Variants in GLRA1 observed in about 807,000 individuals in gnomAD.
GLRA1 encodes the protein glycine receptor subunit alpha-1.
GLRA1 carries 37 observed loss-of-function variants against 48.3 expected under a neutral mutation model. The observed-to-expected ratio is 0.77, with a 90% CI of 0.59 to 1.01. The LOEUF is 1.01. Among genes scored for constraint, GLRA1 ranks in the 50% least tolerant of loss-of-function variants. GLRA1 has a pLI of 0.00. For missense variants in GLRA1, 427 were observed against 571.0 expected (o/e 0.75, Z 2.57); for synonymous variants, 196 against 210.7 (o/e 0.93, Z 0.60).
chr5:151,850,278 T>A, intron 7 of GLRA1: 4 of 1,604,682 alleles, frequency 2.5e-6, no homozygotes, highest in Non-Finnish European at 3.4e-6. Flanking sequence ...GCCTGCCCAG[T>A]GGGAATTTCA....
At chr5:151,832,450 T>A (rs764105809) in intron 7 of GLRA1, among the ~76,000 whole-genome samples, 16 of 151,788 alleles carry the variant, frequency 1.1e-4, no homozygotes, top group African/African-American at 3.2e-4. Context: ...TAGAGAAGAA[T>A]ATAAATGACC....
chr5:151,856,040 G>A (rs985589015), intron 5 of GLRA1, among the ~76,000 whole-genome samples: 4 of 152,158 alleles, frequency 2.6e-5, no homozygotes, highest in Middle Eastern at 3.2e-3. Context: ...TTTCTCCTCC[G>A]TTCACATTTA....
chr5:151,829,160 C>T (rs1221649619), intron 7 of GLRA1, 93 bp from the exon 8 acceptor site: 1 of 1,162,188 alleles, frequency 8.6e-7, no homozygotes, highest in Non-Finnish European at 1.3e-6. Flanking sequence ...TCGGTAATTC[C>T]CCACATCACC....
intron 7 of GLRA1, among the ~76,000 whole-genome samples, chr5:151,833,574 C>CT (rs1763481190): frequency 6.6e-6 from 1 of 152,130 alleles, no homozygotes. Flanking sequence ...AGCGATTCTC[C>CT]TGCCTCAGCC....
intron 3 of GLRA1, among the ~76,000 whole-genome samples, chr5:151,883,562 G>A (rs966468267): frequency 6.6e-6 from 1 of 152,214 alleles, no homozygotes; most frequent in Non-Finnish European, 1.5e-5. Flanking sequence ...TTTACAGAGT[G>A]GTTGTAAGAC....
At chr5:151,914,719 C>A (rs1754696336) in intron 1 of GLRA1, among the ~76,000 whole-genome samples, 1 of 152,180 alleles carries the variant, frequency 6.6e-6, no homozygotes, top group Non-Finnish European at 1.5e-5. Flanking sequence ...ACCATCTCTA[C>A]CCCTTGTCAG....
intron 2 of GLRA1, among the ~76,000 whole-genome samples, chr5:151,888,255 A>G (rs1320072098): frequency 6.6e-6 from 1 of 152,246 alleles, no homozygotes. Context: ...AAACTAAGCT[A>G]GGATCAGAAG....
intron 3 of GLRA1, among the ~76,000 whole-genome samples, chr5:151,881,940 T>C (rs1753774470): frequency 6.6e-6 from 1 of 152,186 alleles, no homozygotes; most frequent in African/African-American, 2.4e-5. Context: ...ACCCGGACTA[T>C]GTCCATATTA....
chr5:151,887,868 C>T (rs1383244956), intron 2 of GLRA1, among the ~76,000 whole-genome samples: 1 of 152,180 alleles, frequency 6.6e-6, no homozygotes, highest in African/African-American at 2.4e-5. Context: ...GAGAGAAGTT[C>T]TGGAGAATAA....
At chr5:151,840,730 G>GAA (rs1259146256) in intron 7 of GLRA1, among the ~76,000 whole-genome samples, 199 of 97,662 alleles carry the variant, frequency 2.0e-3, no homozygotes, top group African/African-American at 6.6e-3. Flanking sequence ...ACCAACATCA[G>GAA]AAAAAAAAAA....
At chr5:151,855,406 A>G (rs1279020329) in intron 5 of GLRA1, among the ~76,000 whole-genome samples, 3 of 152,120 alleles carry the variant, frequency 2.0e-5, no homozygotes, top group South Asian at 2.1e-4. Flanking sequence ...AGTTTGTCCT[A>G]TTGTTCCCCC....
chr5:151,845,019 T>A lies in GLRA1; in HGVS notation c.912+6371A>T, dbSNP rs539632644. Among the ~76,000 whole-genome samples, 365 of 152,318 alleles carry A rather than the reference T, an allele frequency of 2.4e-3. 4 individuals carry two copies. The highest frequency in any genetic ancestry group is 3.2e-3 in the Non-Finnish European group (218 of 68,032). ...CAGGTTCTTTTTAAAAATCATTTTT[T>A]AAAATTTTATTTATTTTTAAATTTT... is the stretch of plus-strand genomic sequence containing the variant. On this transcript the variant is annotated intron_variant, in intron 7 of 8. Transcript: ENST00000274576.
intron 7 of GLRA1, among the ~76,000 whole-genome samples, chr5:151,841,673 G>A (rs1247953716): frequency 2.6e-5 from 4 of 152,082 alleles, no homozygotes; most frequent in African/African-American, 9.7e-5. Flanking sequence ...GAAATAAAAA[G>A]GATTATAAGG....
chr5:151,849,950 G>T, intron 7 of GLRA1: 2 of 1,577,824 alleles, frequency 1.3e-6, no homozygotes, highest in Non-Finnish European at 1.7e-6. Flanking sequence ...CTTCAGTAAG[G>T]ACCCTACAAG....
intron 1 of GLRA1, among the ~76,000 whole-genome samples, chr5:151,911,338 T>G (rs529483587): frequency 2.0e-5 from 3 of 152,350 alleles, no homozygotes; most frequent in South Asian, 2.1e-4. Flanking sequence ...CACAACACTT[T>G]GCACCTATCC....
chr5:151,866,374 C>G (rs148413540), intron 3 of GLRA1, among the ~76,000 whole-genome samples: 2 of 152,322 alleles, frequency 1.3e-5, no homozygotes, highest in East Asian at 1.9e-4. Context: ...CCTCTACCCC[C>G]ACTGTGCCTC....
At chr5:151,915,863 T>A (rs1754726151) in intron 1 of GLRA1, among the ~76,000 whole-genome samples, 1 of 152,146 alleles carries the variant, frequency 6.6e-6, no homozygotes, top group African/African-American at 2.4e-5. Flanking sequence ...ATTGTGCAGT[T>A]AAACGTGATC....
At chr5:151,876,775 T>C (rs1753638012) in intron 3 of GLRA1, among the ~76,000 whole-genome samples, 1 of 152,092 alleles carries the variant, frequency 6.6e-6, no homozygotes, top group African/African-American at 2.4e-5. Context: ...ACTGAATGTG[T>C]CCCTCCAAAA....
intron 1 of GLRA1, among the ~76,000 whole-genome samples, chr5:151,909,076 T>C (rs1754545808): frequency 6.6e-6 from 1 of 152,228 alleles, no homozygotes; most frequent in African/African-American, 2.4e-5. Flanking sequence ...TCAAGTTTTT[T>C]GAAAAGTTTC....
Sources: allele counts gnomAD v4.1 joint callset (sites outside exome capture counted in the v4.1 genomes callset), GRCh38; gene constraint gnomAD v4.1.1; transcripts MANE v1.5; gene names NCBI Gene and HGNC (gene_info 2026-07-23, HGNC 2026-07-21).